The following OR2L13 variants were observed in gnomAD, a reference collection of about 807,000 sequenced individuals.
OR2L13 encodes olfactory receptor 2L13.
A neutral mutation model predicts 15.3 loss-of-function variants in OR2L13; 14 were observed. The observed-to-expected ratio is 0.91, with a 90% CI of 0.60 to 1.43. The LOEUF is 1.43. Ranked by LOEUF, OR2L13 falls within the 40% of genes most tolerant of loss-of-function variation. The probability of loss-of-function intolerance (pLI) is 0.00; values close to 1 mark genes in which losing one functional copy is unlikely to be tolerated. For missense variants in OR2L13, 367 were observed against 387.9 expected, an observed-to-expected ratio of 0.95 and a Z score of 0.45; for synonymous variants, 152 against 142.9, an observed-to-expected ratio of 1.06 and a Z score of -0.45.
At chr1:247,960,333 G>A in the OR2L13 span, among the ~76,000 whole-genome samples, 2 of 152,172 alleles carry the variant, frequency 1.3e-5, no homozygotes, top group Non-Finnish European at 2.9e-5. Context: ...GGCCGTGTGA[G>A]GTGTCAGTCC....
chr1:248,018,012 T>G, the OR2L13 span, among the ~76,000 whole-genome samples: 9,726 of 151,860 alleles, frequency 0.064, 358 homozygotes, highest in East Asian at 0.16. Flanking sequence ...AAAATTAGCC[T>G]GGCGTGGTGG....
the OR2L13 span, among the ~76,000 whole-genome samples, chr1:247,938,659 C>T: frequency 6.6e-6 from 1 of 152,100 alleles, no homozygotes; most frequent in South Asian, 2.1e-4. Context: ...CACACACATG[C>T]ACACATACAC....
chr1:248,028,292 T>C, the OR2L13 span, among the ~76,000 whole-genome samples: 1 of 152,084 alleles, frequency 6.6e-6, no homozygotes, highest in Non-Finnish European at 1.5e-5. Context: ...TTTGGTCTGC[T>C]ACCACTCCAT....
At chr1:247,963,185 T>G in the OR2L13 span, among the ~76,000 whole-genome samples, 1 of 152,222 alleles carries the variant, frequency 6.6e-6, no homozygotes, top group Non-Finnish European at 1.5e-5. Context: ...GGTTGTTATT[T>G]CTTGATTATA....
the OR2L13 span, among the ~76,000 whole-genome samples, chr1:248,048,919 CTCTCT>C: frequency 7.2e-6 from 1 of 138,194 alleles, no homozygotes; most frequent in African/African-American, 3.2e-5. Flanking sequence ...CCTTTTCTCT[CTCTCT>C]TTTTTTTTTT....
At chr1:248,001,575 A>G in the OR2L13 span, among the ~76,000 whole-genome samples, 1 of 152,058 alleles carries the variant, frequency 6.6e-6, no homozygotes, top group Non-Finnish European at 1.5e-5. Context: ...AAAAAATAAT[A>G]AAAGGACTAT....
the OR2L13 span, among the ~76,000 whole-genome samples, chr1:247,962,850 T>G: frequency 6.6e-5 from 10 of 152,238 alleles, no homozygotes; most frequent in African/African-American, 2.4e-4. Context: ...CTTGCTCATA[T>G]TATTATTCTT....
At chr1:248,003,619 C>G in the OR2L13 span, 23 of 1,611,288 alleles carry the variant, frequency 1.4e-5, no homozygotes, top group South Asian at 2.4e-4. Context: ...TATATATACT[C>G]CATATTCCTT....
At chr1:247,982,835 A>G in the OR2L13 span, among the ~76,000 whole-genome samples, 1 of 152,072 alleles carries the variant, frequency 6.6e-6, no homozygotes, top group Non-Finnish European at 1.5e-5. Context: ...AAAAATTTTT[A>G]TTATTTCACA....
the OR2L13 span, among the ~76,000 whole-genome samples, chr1:248,077,764 T>G: frequency 1.3e-5 from 2 of 152,234 alleles, no homozygotes; most frequent in African/African-American, 4.8e-5. Context: ...ATCACAGCTC[T>G]GTCAAAGGAC....
the OR2L13 span, chr1:247,990,623 A>G: frequency 1.6e-4 from 251 of 1,541,786 alleles, 1 homozygote; most frequent in East Asian, 5.5e-3. Context: ...TCAATGGCCT[A>G]TGATCGTTAT....
chr1:247,975,477 A>C, the OR2L13 span: 2 of 827,766 alleles, frequency 2.4e-6, no homozygotes, highest in African/African-American at 3.4e-5. Flanking sequence ...TCTACTATGC[A>C]ATGTTTGCTT....
chr1:247,973,662 C>A, the OR2L13 span, among the ~76,000 whole-genome samples: 7 of 151,986 alleles, frequency 4.6e-5, no homozygotes, highest in Admixed American at 2.0e-4. Context: ...ATGTGGCCAA[C>A]AAACATTTGA....
At chr1:248,099,645 C>A in exon 3 of OR2L13, 1 of 1,614,152 alleles carries the variant, frequency 6.2e-7, no homozygotes, top group Non-Finnish European at 8.5e-7. Flanking sequence ...GCCAGAAAGG[C>A]ATCTCCTTCC....
chr1:248,041,215 A>G, the OR2L13 span: 1 of 152,146 alleles, frequency 6.6e-6, no homozygotes, highest in African/African-American at 2.4e-5. Flanking sequence ...CATATCTACA[A>G]CTATCTGATC....
the OR2L13 span, among the ~76,000 whole-genome samples, chr1:248,036,274 C>T: frequency 1.3e-5 from 2 of 151,818 alleles, no homozygotes; most frequent in African/African-American, 2.4e-5. Flanking sequence ...AGATTTTTCA[C>T]TTTCGTATTT....
the OR2L13 span, among the ~76,000 whole-genome samples, chr1:247,998,647 T>C: frequency 1.4e-4 from 21 of 152,152 alleles, no homozygotes; most frequent in Admixed American, 1.0e-3. Flanking sequence ...TGGTTAAAAT[T>C]ACCAGTCTGT....
chr1:248,061,381 A>G, the OR2L13 span: 3 of 1,614,008 alleles, frequency 1.9e-6, no homozygotes, highest in Middle Eastern at 1.6e-4. Flanking sequence ...AGAAGGGAGG[A>G]AGAAAGCCTA....
the OR2L13 span, among the ~76,000 whole-genome samples, chr1:247,971,667 G>C: frequency 6.6e-6 from 1 of 152,060 alleles, no homozygotes; most frequent in Non-Finnish European, 1.5e-5. Context: ...CGCTATAATA[G>C]TGGGAGACTT....
Sources: gnomAD v4.1 joint callset for allele counts (sites outside exome capture counted in the v4.1 genomes callset) on GRCh38, gnomAD v4.1.1 for gene constraint, MANE v1.5 for transcripts, NCBI Gene and HGNC (gene_info 2026-07-23, HGNC 2026-07-21) for gene names.